The following STK17B variants were observed in gnomAD, a reference collection of about 807,000 sequenced individuals.
STK17B encodes serine/threonine kinase 17b.
Under a neutral mutation model 42.0 loss-of-function variants are expected in STK17B, and 21 were observed. That is an observed-to-expected ratio of 0.50 (90% CI 0.35 to 0.72). The LOEUF (loss-of-function observed/expected upper bound fraction) is 0.72, where lower values mean the gene tolerates loss of function less well. Among genes scored for constraint, STK17B ranks in the 30% least tolerant of loss-of-function variants. STK17B has a pLI of 0.00. For synonymous variants in STK17B, 143 were observed against 148.4 expected, an observed-to-expected ratio of 0.96 and a Z score of 0.26; for missense variants, 349 against 446.0, an observed-to-expected ratio of 0.78 and a Z score of 1.96.
rs1699942968 is a variant in STK17B at position 196,171,535 on chromosome 2, G to C, written c.-247C>G. On this transcript the variant is annotated 5_prime_UTR_variant, in exon 1 of 8. Coordinates refer to ENST00000263955, the MANE Select transcript of STK17B (RefSeq NM_004226.4). ...CTGGCTTCTCGTGAAGTGACTCCTGGCGACAGCAGCGGAGAGGACTACCGA... is the reference window on the plus strand; with the variant it reads ...CTGGCTTCTCGTGAAGTGACTCCTGCCGACAGCAGCGGAGAGGACTACCGA... 2 of 152,224 alleles carry C rather than the reference G, an allele frequency of 1.3e-5. No homozygotes were observed. The highest frequency in any genetic ancestry group is 4.8e-5 in the African/African-American group (2 of 41,466). 9.4% of individuals were successfully genotyped at this position (152,224 alleles called of 1,614,324 possible). A position where few individuals can be genotyped will look rare whatever the true frequency, so the allele number is the denominator to read the frequency against.
chr2:196,140,617 T>G, intron 6 of STK17B, among the ~76,000 whole-genome samples: 3 of 131,816 alleles, frequency 2.3e-5, no homozygotes, highest in African/African-American at 5.9e-5. Flanking sequence ...CAGGCTAGAG[T>G]GCAATAGCAT....
chr2:196,136,881 A>G lies in STK17B; in HGVS notation c.*566T>C, dbSNP rs1054229409. The G allele has an allele frequency of 2.6e-5, 4 of 152,564 alleles. No homozygotes were observed. The highest frequency in any genetic ancestry group is 5.9e-5 in the Non-Finnish European group (4 of 68,328). 9.5% of individuals were successfully genotyped at this position (152,564 alleles called of 1,614,324 possible). Reference sequence around the variant, plus strand: ...GCTCTAGTTAAAGGATCTCTCTCATATAACAGACCACAGAGAATGAAAATC... The same window carrying G: ...GCTCTAGTTAAAGGATCTCTCTCATGTAACAGACCACAGAGAATGAAAATC... On this transcript the variant is annotated 3_prime_UTR_variant, in exon 8 of 8. Transcript: ENST00000263955.
chr2:196,156,364 T>G (rs1699738036), intron 3 of STK17B, 75 bp downstream of exon 3: 12 of 1,218,786 alleles, frequency 9.8e-6, no homozygotes, highest in Non-Finnish European at 1.4e-5. Context: ...TGTCACACCT[T>G]TATCATTCTT....
chr2:196,143,818 C>T (rs745943200), intron 4 of STK17B, 132 bp from the exon 5 acceptor site: 1 of 775,508 alleles, frequency 1.3e-6, no homozygotes, highest in Non-Finnish European at 1.8e-6. Flanking sequence ...CAAACATTTA[C>T]TGACTTACTA....
At chr2:196,143,854 T>C (rs530238993) in intron 4 of STK17B, among the ~76,000 whole-genome samples, 168 bp from the exon 5 acceptor site, 9 of 152,276 alleles carry the variant, frequency 5.9e-5, no homozygotes, top group South Asian at 4.1e-4. Context: ...TATTCAATGA[T>C]GCATAAAGCC....
intron 2 of STK17B, among the ~76,000 whole-genome samples, chr2:196,161,169 AG>A (rs1214721993): frequency 3.3e-5 from 5 of 152,192 alleles, no homozygotes; most frequent in Non-Finnish European, 5.9e-5. Flanking sequence ...GGGAAATTAT[AG>A]GAAAGATTGC....
intron 3 of STK17B, among the ~76,000 whole-genome samples, chr2:196,152,360 G>T (rs186823509): frequency 6.6e-6 from 1 of 152,050 alleles, no homozygotes; most frequent in Non-Finnish European, 1.5e-5. Flanking sequence ...TCCTGCCCTG[G>T]CCTCCCAAAG....
upstream of STK17B, among the ~76,000 whole-genome samples, chr2:196,172,750 A>T (rs1366279979): frequency 6.6e-6 from 1 of 152,252 alleles, no homozygotes; most frequent in Non-Finnish European, 1.5e-5. Context: ...CAAATGGAGA[A>T]TATTGCTTCC....
chr2:196,145,622 G>A (rs17366359), intron 4 of STK17B, among the ~76,000 whole-genome samples: 1 of 152,170 alleles, frequency 6.6e-6, no homozygotes, highest in East Asian at 1.9e-4. Flanking sequence ...CCAGGATGTG[G>A]TTGTAAGAGT....
At chr2:196,167,531 T>C (rs1316816617) in intron 1 of STK17B, among the ~76,000 whole-genome samples, 1 of 152,214 alleles carries the variant, frequency 6.6e-6, no homozygotes, top group Non-Finnish European at 1.5e-5. Context: ...ATAAAGTAAC[T>C]ATTTTAAATT....
At chr2:196,143,285 TTTC>T (rs1294336788) in intron 5 of STK17B, among the ~76,000 whole-genome samples, 1 of 152,210 alleles carries the variant, frequency 6.6e-6, no homozygotes, top group Non-Finnish European at 1.5e-5. Flanking sequence ...CTCTTACCCA[TTTC>T]TTTTTTCCTT....
chr2:196,157,364 C>T (rs1317207711), intron 2 of STK17B, among the ~76,000 whole-genome samples: 1 of 152,022 alleles, frequency 6.6e-6, no homozygotes, highest in Non-Finnish European at 1.5e-5. Flanking sequence ...AAACTGTACC[C>T]TTCATAGGGT....
chr2:196,162,454 A>G (rs928460449), intron 2 of STK17B, among the ~76,000 whole-genome samples: 4 of 150,380 alleles, frequency 2.7e-5, no homozygotes, highest in African/African-American at 9.8e-5. Flanking sequence ...TACCCTAGGA[A>G]TTTAAAAAAA....
At chr2:196,165,591 G>C (rs1041266959) in intron 1 of STK17B, 1 of 152,152 alleles carries the variant, frequency 6.6e-6, no homozygotes, top group South Asian at 2.1e-4. Flanking sequence ...GCCCAATTCA[G>C]ACTTTTAAGT....
At chr2:196,173,849 C>T (rs1049832231), upstream of STK17B, among the ~76,000 whole-genome samples, 9 of 152,076 alleles carry the variant, frequency 5.9e-5, no homozygotes, top group African/African-American at 2.2e-4. Flanking sequence ...AAATTCTAAC[C>T]CTCAGGAACT....
intron 3 of STK17B, among the ~76,000 whole-genome samples, chr2:196,155,144 T>C (rs1435965425): frequency 6.6e-6 from 1 of 152,262 alleles, no homozygotes; most frequent in Non-Finnish European, 1.5e-5. Flanking sequence ...TTTTGACAAA[T>C]GTTAGCTACT....
chr2:196,140,550 T>C (rs1008963590), intron 6 of STK17B, among the ~76,000 whole-genome samples: 3 of 151,986 alleles, frequency 2.0e-5, no homozygotes, highest in Non-Finnish European at 4.4e-5. Context: ...GACCTAATTA[T>C]TCTGCTTAAC....
At chr2:196,173,312 A>G (rs1365754107), upstream of STK17B, among the ~76,000 whole-genome samples, 1 of 152,164 alleles carries the variant, frequency 6.6e-6, no homozygotes, top group East Asian at 1.9e-4. Context: ...TAAGAAGGTT[A>G]CCCTCTTCAG....
At chr2:196,159,744 C>A (rs561642308) in intron 2 of STK17B, among the ~76,000 whole-genome samples, 1 of 152,314 alleles carries the variant, frequency 6.6e-6, no homozygotes, top group East Asian at 1.9e-4. Context: ...GGGACCATAT[C>A]TGTCCTAATT....
Sources: gnomAD v4.1 joint callset for allele counts (sites outside exome capture counted in the v4.1 genomes callset) on GRCh38, gnomAD v4.1.1 for gene constraint, MANE v1.5 for transcripts, NCBI Gene and HGNC (gene_info 2026-07-23, HGNC 2026-07-21) for gene names.